FOXN3: variants seen among roughly 807,000 people sequenced by gnomAD.
FOXN3 encodes the protein forkhead box protein N3.
In FOXN3, 7 loss-of-function variants were observed where a neutral mutation model predicts 38.4. The observed-to-expected ratio is 0.18, with a 90% confidence interval of 0.10 to 0.34. The LOEUF is 0.34. FOXN3 is among the 10% of genes least tolerant of loss of function. FOXN3 has a pLI of 1.00. For missense variants in FOXN3, 456 were observed against 613.4 expected (o/e 0.74, Z 2.71); for synonymous variants, 230 against 242.2 (o/e 0.95, Z 0.47).
At chr14:89,359,563 C>T (rs762629486) in intron 2 of FOXN3, among the ~76,000 whole-genome samples, 7 of 152,208 alleles carry the variant, frequency 4.6e-5, no homozygotes, top group Middle Eastern at 3.4e-3. Context: ...ATGGAAGGAT[C>T]GAAATAGAAC....
intron 3 of FOXN3, among the ~76,000 whole-genome samples, chr14:89,345,318 TA>T (rs1888730253): frequency 6.7e-6 from 1 of 150,342 alleles, no homozygotes; most frequent in South Asian, 2.1e-4. Flanking sequence ...TCGGGATATC[TA>T]AAATTGATCA....
chr14:89,309,165 A>ACAGGC, intron 3 of FOXN3, among the ~76,000 whole-genome samples: 1 of 152,160 alleles, frequency 6.6e-6, no homozygotes, highest in East Asian at 1.9e-4. Context: ...ATCACAGCTT[A>ACAGGC]CAGGCCATTC....
At chr14:89,587,061 T>C (rs982932648) in intron 1 of FOXN3, among the ~76,000 whole-genome samples, 15 of 152,232 alleles carry the variant, frequency 9.9e-5, no homozygotes, top group African/African-American at 2.7e-4. Flanking sequence ...AAAGGGTACA[T>C]TGGCAGGCTG....
chr14:89,286,633 T>A (rs1357479251), intron 3 of FOXN3, among the ~76,000 whole-genome samples: 4 of 152,106 alleles, frequency 2.6e-5, no homozygotes, highest in Non-Finnish European at 5.9e-5. Context: ...CCACAAAAAA[T>A]CCTTGAAATT....
At chr14:89,320,488 C>T (rs900315129) in intron 3 of FOXN3, among the ~76,000 whole-genome samples, 6 of 152,222 alleles carry the variant, frequency 3.9e-5, no homozygotes, top group Non-Finnish European at 8.8e-5. Flanking sequence ...TTGCTAGAGG[C>T]TAAATAAACC....
Position 89,176,567 on chromosome 14 carries a change from C to G in FOXN3, c.851+4134G>C, listed in dbSNP as rs549655594. Among the ~76,000 whole-genome samples the G allele has an allele frequency of 2.6e-5, 4 of 152,346 alleles. No individual in the cohort carries two copies. In the South Asian group the frequency reaches 8.3e-4, roughly 32 times the overall value. ...GCACACACAGAATACTTGGGCACTG[C>G]CACGTGGTCTGGGAGATAACATTCT... On this transcript the variant is annotated intron_variant, in intron 5 of 5. Coordinates refer to ENST00000557258, the MANE Select transcript of FOXN3 (RefSeq NM_005197.4).
chr14:89,170,329 A>G (rs575041164), intron 5 of FOXN3, among the ~76,000 whole-genome samples: 1 of 152,212 alleles, frequency 6.6e-6, no homozygotes, highest in African/African-American at 2.4e-5. Context: ...CACACACACA[A>G]AAGTTTCATA....
intron 2 of FOXN3, among the ~76,000 whole-genome samples, chr14:89,378,597 C>A (rs1467047670): frequency 6.6e-6 from 1 of 151,966 alleles, no homozygotes; most frequent in African/African-American, 2.4e-5. Flanking sequence ...TTAAATATTT[C>A]TTTAACTGTG....
intron 4 of FOXN3, among the ~76,000 whole-genome samples, chr14:89,224,292 T>A (rs557824369): frequency 6.6e-6 from 1 of 152,342 alleles, no homozygotes; most frequent in African/African-American, 2.4e-5. Flanking sequence ...TTTAATTAAC[T>A]AAGTTTGCAA....
rs1482584103 is a variant in FOXN3 at position 89,156,836 on chromosome 14, C to T, written c.*5578G>A. 1 of 152,090 alleles carries T rather than the reference C, an allele frequency of 6.6e-6. No homozygotes were observed. Among genetic ancestry groups the T allele is most frequent in the African/African-American group, 2.4e-5 (1 of 41,368 alleles). 9.4% of individuals were successfully genotyped at this position (152,090 alleles called of 1,614,324 possible). A position where few individuals can be genotyped will look rare whatever the true frequency, so the allele number is the denominator to read the frequency against. On this transcript the variant is annotated 3_prime_UTR_variant, in exon 6 of 6. Transcript: ENST00000557258. ...TGAATCAGCTATGAGCTCAGATGGC[C>T]TCAACATACATACTCAAGAAATGTT... is the stretch of plus-strand genomic sequence containing the variant.
At chr14:89,409,777 G>A (rs1891492744) in intron 2 of FOXN3, among the ~76,000 whole-genome samples, 1 of 152,140 alleles carries the variant, frequency 6.6e-6, no homozygotes, top group African/African-American at 2.4e-5. Flanking sequence ...GAGGAGCAAT[G>A]AATGTCCTCT....
At chr14:89,593,681 C>G (rs2139929813) in intron 1 of FOXN3, among the ~76,000 whole-genome samples, 1 of 152,258 alleles carries the variant, frequency 6.6e-6, no homozygotes, top group African/African-American at 2.4e-5. Flanking sequence ...TGTGAAATAT[C>G]ACACAGAGGA....
intron 2 of FOXN3, among the ~76,000 whole-genome samples, chr14:89,370,176 C>T (rs1233678838): frequency 6.6e-6 from 1 of 152,082 alleles, no homozygotes; most frequent in Non-Finnish European, 1.5e-5. Context: ...GGCATGTGAC[C>T]ACATATGCAG....
chr14:89,191,463 T>C (rs945781616), intron 4 of FOXN3, among the ~76,000 whole-genome samples: 3 of 152,194 alleles, frequency 2.0e-5, no homozygotes, highest in African/African-American at 7.2e-5. Context: ...CCTTGCAGAT[T>C]ACTGCCTCTG....
chr14:89,462,687 CTT>C (rs1231830649), intron 1 of FOXN3, among the ~76,000 whole-genome samples: 22 of 140,210 alleles, frequency 1.6e-4, no homozygotes, highest in Admixed American at 2.1e-4. Flanking sequence ...TCCTCTTCTT[CTT>C]TTTTTTTTTT....
Position 89,158,688 on chromosome 14 carries a change from T to C in FOXN3, c.*3726A>G, listed in dbSNP as rs1206971189. 2 of 152,506 alleles carry C rather than the reference T, an allele frequency of 1.3e-5. No homozygotes were observed. The highest frequency in any genetic ancestry group is 2.9e-5 in the Non-Finnish European group (2 of 68,002). 9.4% of individuals were successfully genotyped at this position (152,506 alleles called of 1,614,324 possible). On this transcript the variant is annotated 3_prime_UTR_variant, in exon 6 of 6. Transcript: ENST00000557258. ...ACTAGATAAAGACAAAAGACAATTATAATAGGATAAAAATAACTGTTTATA... is the reference window on the plus strand; with the variant it reads ...ACTAGATAAAGACAAAAGACAATTACAATAGGATAAAAATAACTGTTTATA...
intron 1 of FOXN3, among the ~76,000 whole-genome samples, chr14:89,492,334 T>A (rs1381437114): frequency 6.6e-6 from 1 of 151,948 alleles, no homozygotes; most frequent in African/African-American, 2.4e-5. Context: ...GGGACAGAGG[T>A]CTGCCCTCCC....
chr14:89,373,150 A>G (rs950478748), intron 2 of FOXN3, among the ~76,000 whole-genome samples: 2 of 152,122 alleles, frequency 1.3e-5, no homozygotes, highest in Non-Finnish European at 2.9e-5. Flanking sequence ...TGGGCAACAG[A>G]GCGGGACCCT....
At chr14:89,422,497 G>C (rs1362961987) in intron 1 of FOXN3, among the ~76,000 whole-genome samples, 1 of 152,260 alleles carries the variant, frequency 6.6e-6, no homozygotes, top group Non-Finnish European at 1.5e-5. Context: ...TGAGAAGAGA[G>C]GGGGAGATTA....
Sources: allele counts gnomAD v4.1 joint callset (sites outside exome capture counted in the v4.1 genomes callset), GRCh38; gene constraint gnomAD v4.1.1; transcripts MANE v1.5; gene names NCBI Gene and HGNC (gene_info 2026-07-23, HGNC 2026-07-21).